The following CD6 variants were observed in gnomAD, a reference collection of about 807,000 sequenced individuals.
CD6 encodes the protein T-cell differentiation antigen CD6.
CD6 carries 53 observed loss-of-function variants against 75.3 expected under a neutral mutation model. The observed-to-expected ratio is 0.70, with a 90% CI of 0.56 to 0.88. The LOEUF (loss-of-function observed/expected upper bound fraction) is 0.88. Ranked by LOEUF, CD6 falls within the 40% of genes least tolerant of loss-of-function variation. The pLI is 0.00. For synonymous variants in CD6, 359 were observed against 381.5 expected (o/e 0.94, Z 0.69); for missense variants, 770 against 897.1 (o/e 0.86, Z 1.81).
intron 4 of CD6, 55 bp from the exon 5 acceptor site, chr11:61,009,517 G>T: frequency 1.3e-6 from 2 of 1,491,144 alleles, no homozygotes; most frequent in South Asian, 1.3e-5. Context: ...GGGCTGGCGG[G>T]AATTTCTGCC....
intron 1 of CD6, among the ~76,000 whole-genome samples, chr11:60,987,670 C>A (rs1009805854): frequency 6.6e-6 from 1 of 151,988 alleles, no homozygotes; most frequent in Non-Finnish European, 1.5e-5. Flanking sequence ...TGGAGAGATG[C>A]AAGTTAGATA....
At chr11:61,006,768 C>A in intron 2 of CD6, 126 bp downstream of exon 2, 1 of 733,632 alleles carries the variant, frequency 1.4e-6, no homozygotes, top group Non-Finnish European at 2.4e-6. Context: ...AACACTTCTT[C>A]CTGACCCATC....
intron 1 of CD6, among the ~76,000 whole-genome samples, chr11:60,986,461 T>C (rs1857819493): frequency 6.6e-6 from 1 of 152,176 alleles, no homozygotes; most frequent in Non-Finnish European, 1.5e-5. Flanking sequence ...GTAAAATGGG[T>C]GTGGCCATGT....
chr11:61,008,462 A>C (rs1858983084), intron 3 of CD6, 72 bp from the exon 4 acceptor site: 16 of 1,386,518 alleles, frequency 1.2e-5, no homozygotes, highest in Non-Finnish European at 1.6e-5. Context: ...CTCTCCGGCC[A>C]GTCCAACCAT....
intron 6 of CD6, among the ~76,000 whole-genome samples, chr11:61,011,585 T>C (rs1224817881): frequency 7.9e-5 from 12 of 152,222 alleles, no homozygotes. Flanking sequence ...TTCCCAACCC[T>C]TTAATCCTCT....
intron 1 of CD6, among the ~76,000 whole-genome samples, chr11:60,981,622 G>T (rs1422001536): frequency 6.6e-6 from 1 of 152,226 alleles, no homozygotes; most frequent in Non-Finnish European, 1.5e-5. Context: ...GAAATGCCAG[G>T]CTCCTTAGGG....
At chr11:60,974,741 A>T (rs1313686897) in intron 1 of CD6, among the ~76,000 whole-genome samples, 1 of 152,168 alleles carries the variant, frequency 6.6e-6, no homozygotes, top group Non-Finnish European at 1.5e-5. Context: ...GGAGCCCTTG[A>T]CAGGGGAGGC....
At chr11:60,976,339 T>C (rs1857363617) in intron 1 of CD6, among the ~76,000 whole-genome samples, 1 of 152,248 alleles carries the variant, frequency 6.6e-6, no homozygotes, top group Admixed American at 6.5e-5. Flanking sequence ...TGTTTACAGA[T>C]ATTGTCAAAT....
intron 5 of CD6, among the ~76,000 whole-genome samples, 190 bp downstream of exon 5, chr11:61,010,064 C>T (rs1300660030): frequency 1.3e-5 from 2 of 152,214 alleles, no homozygotes; most frequent in South Asian, 2.1e-4. Flanking sequence ...TCAGATGCTC[C>T]ACTCAGCCCC....
At chr11:60,994,393 A>G (rs1439900360) in intron 1 of CD6, among the ~76,000 whole-genome samples, 3 of 138,854 alleles carry the variant, frequency 2.2e-5, no homozygotes, top group Non-Finnish European at 4.5e-5. Context: ...GTAAGCCGAG[A>G]TCGTGCCACT....
chr11:61,019,037 G>A (rs1565164219), intron 12 of CD6: 3 of 484,038 alleles, frequency 6.2e-6, no homozygotes, highest in Non-Finnish European at 1.1e-5. Flanking sequence ...CGTGCAGTGT[G>A]CCATTGTGGA....
chr11:60,991,146 TTTC>T (rs1452279552), intron 1 of CD6, among the ~76,000 whole-genome samples: 2 of 82,632 alleles, frequency 2.4e-5, no homozygotes, highest in African/African-American at 5.4e-5. Flanking sequence ...TTTCTTTTTC[TTTC>T]TTTTTTTTTT....
Position 61,013,509 on chromosome 11 carries a change from C to G in CD6, c.1237C>G (p.Leu413Val), listed in dbSNP as rs756522841. Residue 413 changes from leucine to valine, a missense_variant, in exon 7 of 13, where the codon CTT becomes GTT. Leu to Val is a conservative substitution (Grantham distance 32). Transcript: ENST00000313421. ...CTCCATCGTTCTGGGAATTCTCCTC[C>G]TTGGCTCCCTCATCTTCATAGCCTT... is the stretch of plus-strand genomic sequence containing the variant. ...IPSIVLGILLLGSLIFIAFIL... is the reference protein window; with the variant it reads ...IPSIVLGILLVGSLIFIAFIL... 4 of 1,614,148 alleles carry G rather than the reference C, an allele frequency of 2.5e-6. No homozygotes were observed. The highest frequency in any genetic ancestry group is 2.5e-6 in the Non-Finnish European group (3 of 1,179,980).
Position 61,007,040 on chromosome 11 carries a change from AG to A in CD6, c.118+402del, listed in dbSNP as rs1858894932. On this transcript the variant is annotated intron_variant, in intron 2 of 12. Coordinates refer to ENST00000313421, the MANE Select transcript of CD6 (RefSeq NM_006725.5). The surrounding 1 kb of genome is among the most constrained non-coding windows in gnomAD (Gnocchi z 4.2). ...AAAAGGGGCAGGTGGTTCCCATAGAAGGGGTTCTGGGGAAGTGAGGACCACC... is the reference window on the plus strand; with the variant it reads ...AAAAGGGGCAGGTGGTTCCCATAGAAGGGTTCTGGGGAAGTGAGGACCACC... 6.6e-6 allele frequency among the ~76,000 whole-genome samples: 1 copy of A among 152,038 alleles called. No individual in the cohort carries two copies. The highest frequency in any genetic ancestry group is 1.5e-5 in the Non-Finnish European group (1 of 67,998).
At position 60,971,790 on chromosome 11, in the gene CD6, G is replaced by T. The variant is rs1183767621; in HGVS notation, c.-76G>T. The stretch of plus-strand genomic sequence containing the variant: ...AGACCTGCGCCAGGGGCGCACAACG[G>T]CCGTGTCCACCTCCCGGCCCCAAGA... On this transcript the variant is annotated 5_prime_UTR_variant, in exon 1 of 13. Coordinates refer to ENST00000313421, the MANE Select transcript of CD6 (RefSeq NM_006725.5). 1.4e-6 allele frequency: 2 copies of T among 1,472,016 alleles called. No individual in the cohort carries two copies. The highest frequency in any genetic ancestry group is 9.4e-7 in the Non-Finnish European group (1 of 1,061,820). The allele number at this position is 1,472,016 out of a possible 1,614,324, so 91.2% of individuals were successfully genotyped here. A position where few individuals can be genotyped will look rare whatever the true frequency, so the allele number is the denominator to read the frequency against.
At chr11:61,014,529 G>A (rs1859310933) in intron 8 of CD6, among the ~76,000 whole-genome samples, 1 of 152,198 alleles carries the variant, frequency 6.6e-6, no homozygotes, top group African/African-American at 2.4e-5. Flanking sequence ...GAGGTCAGGA[G>A]TTGGAGACCA....
chr11:61,007,628 G>A lies in CD6; in HGVS notation c.187G>A (p.Glu63Lys), dbSNP rs896768411. The A allele has an allele frequency of 2.0e-6, 3 of 1,485,806 alleles. No homozygotes were observed. Among genetic ancestry groups the A allele is most frequent in the Admixed American group, 2.3e-5 (1 of 42,740 alleles). 92.0% of individuals were successfully genotyped at this position (1,485,806 alleles called of 1,614,324 possible). The stretch of plus-strand genomic sequence containing the variant: ...CAGCGGGACGGTGGAGGTGCGGCTC[G>A]AGGCGTCCTGGGAGCCCGCGTGCGG... ...SCSGTVEVRL[E>K]ASWEPACGAL... Residue 63 changes from glutamate (E) to lysine (K), a missense_variant, in exon 3 of 13, where the codon GAG (glutamate) becomes AAG (lysine). By Grantham distance (56) the Glu-to-Lys change is moderately conservative. Coordinates refer to ENST00000313421, the MANE Select transcript of CD6 (RefSeq NM_006725.5). The surrounding 1 kb of genome is among the most constrained non-coding windows in gnomAD (Gnocchi z 4.2).
rs185637890 is a variant in CD6 at position 60,984,799 on chromosome 11, T to A, written c.49+12885T>A. On this transcript the variant is annotated intron_variant, in intron 1 of 12. Transcript: ENST00000313421. ...AATGCTGAGATCAGGGAGAGGACAT[T>A]CCCGTCAGGGGGAGGAGCAGGGGCG... is the stretch of plus-strand genomic sequence containing the variant. 3.9e-5 allele frequency among the ~76,000 whole-genome samples: 6 copies of A among 152,236 alleles called. No individual in the cohort carries two copies. The East Asian group carries it at 1.2e-3, about 29-fold the overall frequency.
intron 8 of CD6, among the ~76,000 whole-genome samples, chr11:61,014,218 G>T (rs1238764202): frequency 1.3e-5 from 2 of 152,224 alleles, no homozygotes; most frequent in Admixed American, 6.5e-5. Flanking sequence ...GTTCAGTCAT[G>T]CTAGGACTCT....
Sources: allele counts gnomAD v4.1 joint callset (sites outside exome capture counted in the v4.1 genomes callset), GRCh38; gene constraint gnomAD v4.1.1; non-coding constraint Gnocchi (gnomAD v3.1); transcripts MANE v1.5; gene names NCBI Gene and HGNC (gene_info 2026-07-23, HGNC 2026-07-21).